Variants in TMEM178B observed in about 807,000 individuals in gnomAD.
TMEM178B encodes transmembrane protein 178B.
Under a neutral mutation model 31.0 loss-of-function variants are expected in TMEM178B, and 5 were observed. The observed-to-expected ratio is 0.16, with a 90% CI of 0.08 to 0.34. The LOEUF is 0.34. Among genes scored for constraint, TMEM178B ranks in the 10% least tolerant of loss-of-function variants. The pLI, the probability that TMEM178B is intolerant of heterozygous loss-of-function variation, is 1.00. For synonymous variants in TMEM178B, 164 were observed against 164.0 expected (o/e 1.00, Z 0.00); for missense variants, 275 against 400.3 (o/e 0.69, Z 2.67).
At chr7:141,112,027 A>G (rs895783101) in intron 1 of TMEM178B, among the ~76,000 whole-genome samples, 2 of 152,174 alleles carry the variant, frequency 1.3e-5, no homozygotes, top group Non-Finnish European at 1.5e-5. Flanking sequence ...TACAAAGTCA[A>G]TAATTATTTT....
chr7:141,083,977 G>A (rs927885152), intron 1 of TMEM178B, among the ~76,000 whole-genome samples: 1 of 151,784 alleles, frequency 6.6e-6, no homozygotes, highest in African/African-American at 2.4e-5. Flanking sequence ...GCTAATTTTC[G>A]TATTTTTAGT....
chr7:141,376,595 A>G (rs1800218241), intron 2 of TMEM178B, among the ~76,000 whole-genome samples: 1 of 152,232 alleles, frequency 6.6e-6, no homozygotes. Flanking sequence ...TTTCAGTGTC[A>G]GGGAATACAG....
rs372702729 is a variant in TMEM178B, at chr7:141,288,202, T to C, written c.496+75498T>C. On this transcript the variant is annotated intron_variant, in intron 2 of 3. Coordinates refer to ENST00000565468, the MANE Select transcript of TMEM178B (RefSeq NM_001195278.2). The stretch of plus-strand genomic sequence containing the variant: ...TCTTTAGATGCCTCTACTCTTTTTT[T>C]TTTTCCCCCTCTGGGATTGTTTGTG... Among the ~76,000 whole-genome samples, 1,108 of 152,168 alleles carry C rather than the reference T, an allele frequency of 7.3e-3. 19 individuals carry two copies. The highest frequency in any genetic ancestry group is 0.025 in the African/African-American group (1,031 of 41,514).
At chr7:141,446,676 C>T (rs969843394) in intron 3 of TMEM178B, among the ~76,000 whole-genome samples, 1 of 152,134 alleles carries the variant, frequency 6.6e-6, no homozygotes, top group Non-Finnish European at 1.5e-5. Flanking sequence ...TTGGACTAGC[C>T]ATGTGGCCCT....
intron 2 of TMEM178B, among the ~76,000 whole-genome samples, chr7:141,289,714 C>CAAAAAAAA (rs35000633): frequency 2.2e-5 from 2 of 92,344 alleles, no homozygotes; most frequent in Admixed American, 1.2e-4. Flanking sequence ...GACCCTGTCT[C>CAAAAAAAA]AAAAAAAAAA....
At chr7:141,396,634 T>C (rs1200485262) in intron 2 of TMEM178B, among the ~76,000 whole-genome samples, 2 of 152,208 alleles carry the variant, frequency 1.3e-5, no homozygotes, top group Non-Finnish European at 2.9e-5. Flanking sequence ...TCTGCATCTG[T>C]TCACAGGCTA....
At chr7:141,327,739 T>A (rs1799218947) in intron 2 of TMEM178B, among the ~76,000 whole-genome samples, 1 of 152,160 alleles carries the variant, frequency 6.6e-6, no homozygotes, top group Non-Finnish European at 1.5e-5. Flanking sequence ...TTAATGTCAT[T>A]ATTGTGGGTT....
chr7:141,097,903 C>T (rs1361137009), intron 1 of TMEM178B, among the ~76,000 whole-genome samples: 2 of 151,280 alleles, frequency 1.3e-5, no homozygotes, highest in Non-Finnish European at 2.9e-5. Flanking sequence ...GTGATCCTCC[C>T]ACCTCAGCCC....
At chr7:141,127,490 G>A (rs1183760184) in intron 1 of TMEM178B, among the ~76,000 whole-genome samples, 1 of 152,186 alleles carries the variant, frequency 6.6e-6, no homozygotes, top group East Asian at 1.9e-4. Flanking sequence ...GAAGTACAGA[G>A]ACACACAGAG....
chr7:141,177,244 T>G (rs1234817453), intron 1 of TMEM178B, among the ~76,000 whole-genome samples: 1 of 152,242 alleles, frequency 6.6e-6, no homozygotes, highest in Admixed American at 6.5e-5. Context: ...TTCCATATAG[T>G]TGTGCAGTTT....
At chr7:141,212,330 A>G (rs551032569) in intron 1 of TMEM178B, among the ~76,000 whole-genome samples, 1 of 152,330 alleles carries the variant, frequency 6.6e-6, no homozygotes, top group East Asian at 1.9e-4. Context: ...GGAATGTTAG[A>G]CAAGCTGCTA....
At chr7:141,107,351 T>C (rs573184818) in intron 1 of TMEM178B, among the ~76,000 whole-genome samples, 48 of 152,330 alleles carry the variant, frequency 3.2e-4, no homozygotes, top group African/African-American at 1.0e-3. Flanking sequence ...TTCTGGGTAC[T>C]GTGTTGACAA....
intron 1 of TMEM178B, among the ~76,000 whole-genome samples, chr7:141,089,381 G>T (rs1333426374): frequency 6.6e-6 from 1 of 152,202 alleles, no homozygotes; most frequent in African/African-American, 2.4e-5. Context: ...GCTCCCAAGG[G>T]ATAAATAGGA....
rs1278604532 is a variant in TMEM178B, at chr7:141,366,363, G to T, written c.497-71245G>T. Among the ~76,000 whole-genome samples the T allele has an allele frequency of 2.0e-5, 3 of 152,150 alleles. No individual in the cohort carries two copies. The East Asian group carries it at 5.8e-4, about 29-fold the overall frequency. ...CCCTCCCAAAGAAAATAAACGCTAT[G>T]CAAGGGTCACGACAAATTTGTTTCA... On this transcript the variant is annotated intron_variant, in intron 2 of 3. Transcript: ENST00000565468.
intron 2 of TMEM178B, among the ~76,000 whole-genome samples, chr7:141,270,886 T>C (rs150894123): frequency 1.3e-5 from 2 of 152,340 alleles, no homozygotes; most frequent in Non-Finnish European, 2.9e-5. Flanking sequence ...CTTTTGTCTC[T>C]CCTGTGCCTT....
intron 1 of TMEM178B, among the ~76,000 whole-genome samples, chr7:141,108,004 G>C (rs1039148087): frequency 1.3e-5 from 2 of 152,230 alleles, no homozygotes; most frequent in African/African-American, 4.8e-5. Context: ...GAAGTGGTCT[G>C]TGTCAGATGT....
At chr7:141,440,179 C>A (rs1187373714) in intron 3 of TMEM178B, among the ~76,000 whole-genome samples, 3 of 152,226 alleles carry the variant, frequency 2.0e-5, no homozygotes, top group African/African-American at 4.8e-5. Flanking sequence ...CGTGCTGAGG[C>A]ACCTCCCAAA....
chr7:141,268,446 A>G (rs897861467), intron 2 of TMEM178B, among the ~76,000 whole-genome samples: 4 of 152,260 alleles, frequency 2.6e-5, no homozygotes, highest in Admixed American at 6.5e-5. Flanking sequence ...ATACACATCA[A>G]TTTGTGAGGA....
chr7:141,339,151 C>T (rs370872827), intron 2 of TMEM178B, among the ~76,000 whole-genome samples: 1 of 152,118 alleles, frequency 6.6e-6, no homozygotes, highest in Non-Finnish European at 1.5e-5. Context: ...ATGGCTATAG[C>T]GAAGTTCCCT....
Sources: allele counts gnomAD v4.1 joint callset (sites outside exome capture counted in the v4.1 genomes callset), GRCh38; gene constraint gnomAD v4.1.1; transcripts MANE v1.5; gene names NCBI Gene and HGNC (gene_info 2026-07-23, HGNC 2026-07-21).